Variants in KLHDC4 observed in about 807,000 individuals in gnomAD.
The protein encoded by KLHDC4 is kelch domain-containing protein 4.
In KLHDC4, 90 loss-of-function variants were observed where a neutral mutation model predicts 62.4. The observed-to-expected ratio is 1.44, with a 90% CI of 1.22 to 1.72. The LOEUF (loss-of-function observed/expected upper bound fraction) is 1.72. Among genes scored for constraint, KLHDC4 ranks in the 40% most tolerant of loss-of-function variants. The pLI, the probability that KLHDC4 is intolerant of heterozygous loss-of-function variation, is 0.00. For missense variants in KLHDC4, 1,025 were observed against 699.7 expected, an observed-to-expected ratio of 1.47 and a Z score of -5.25; for synonymous variants, 386 against 284.4, an observed-to-expected ratio of 1.36 and a Z score of -3.59.
intron 2 of KLHDC4, among the ~76,000 whole-genome samples, chr16:87,756,721 CAAAAAAAAAAAA>C (rs35385743): frequency 1.0e-5 from 1 of 98,812 alleles, no homozygotes; most frequent in African/African-American, 3.5e-5. Flanking sequence ...GTTGTATTAA[CAAAAAAAAAAAA>C]AAAAAAAAAA....
Position 87,762,001 on chromosome 16 carries a change from C to T in KLHDC4, c.139G>A (p.Asp47Asn), listed in dbSNP as rs139427549. ...TCCACAGTCTGAGTCCTCTTGGCAT[C>T]GAGTGTCTGGAAATGGGCTATGAGC... is the stretch of plus-strand genomic sequence containing the variant. ...EALIAHFQTL[D>N]AKRTQTVELP... Residue 47 changes from aspartate to asparagine, a missense_variant, in exon 2 of 12, where the codon GAT (aspartate) becomes AAT (asparagine). Coordinates refer to ENST00000270583, the MANE Select transcript of KLHDC4 (RefSeq NM_017566.4). 31 of 1,613,854 alleles carry T rather than the reference C, an allele frequency of 1.9e-5. No homozygotes were observed. Among genetic ancestry groups the T allele is most frequent in the Non-Finnish European group, 2.5e-5 (29 of 1,179,968 alleles).
At chr16:87,754,831 T>C (rs2044606747) in intron 4 of KLHDC4, among the ~76,000 whole-genome samples, 1 of 152,240 alleles carries the variant, frequency 6.6e-6, no homozygotes, top group Non-Finnish European at 1.5e-5. Context: ...ACAATTGTTT[T>C]CCTTCCACCA....
At chr16:87,747,877 G>A (rs928195844) in intron 5 of KLHDC4, among the ~76,000 whole-genome samples, 1 of 152,224 alleles carries the variant, frequency 6.6e-6, no homozygotes, top group Non-Finnish European at 1.5e-5. Context: ...CCAGGATGTG[G>A]AGAAGGCCTG....
chr16:87,716,231 G>A (rs1340202542), intron 7 of KLHDC4, among the ~76,000 whole-genome samples: 1 of 151,970 alleles, frequency 6.6e-6, no homozygotes, highest in East Asian at 1.9e-4. Flanking sequence ...TAGACTTTGG[G>A]TACGCGCTAT....
chr16:87,747,335 T>G (rs1194310018), intron 5 of KLHDC4, among the ~76,000 whole-genome samples: 1 of 152,062 alleles, frequency 6.6e-6, no homozygotes, highest in Non-Finnish European at 1.5e-5. Flanking sequence ...ATCAATCGAT[T>G]TGCCAAAGAT....
At chr16:87,731,732 C>G (rs148679143) in intron 5 of KLHDC4, among the ~76,000 whole-genome samples, 1 of 152,192 alleles carries the variant, frequency 6.6e-6, no homozygotes, top group Non-Finnish European at 1.5e-5. Context: ...AAGGAAAACA[C>G]CAGTCCACAC....
chr16:87,759,598 T>C (rs1479981579), intron 2 of KLHDC4, among the ~76,000 whole-genome samples: 5 of 151,954 alleles, frequency 3.3e-5, no homozygotes, highest in Middle Eastern at 3.4e-3. Context: ...AATACAAAAT[T>C]AGCCGGGCGT....
intron 4 of KLHDC4, among the ~76,000 whole-genome samples, chr16:87,754,187 T>G (rs2044489284): frequency 6.6e-6 from 1 of 151,386 alleles, no homozygotes. Flanking sequence ...CTTAGCCACC[T>G]AATACAATCC....
intron 5 of KLHDC4, among the ~76,000 whole-genome samples, chr16:87,735,314 GAA>G (rs60073416): frequency 3.6e-5 from 5 of 138,048 alleles, no homozygotes; most frequent in African/African-American, 1.3e-4. Flanking sequence ...AAAAAAAAAA[GAA>G]AAAAAAAAAA....
At chr16:87,733,381 C>A (rs150499821) in intron 5 of KLHDC4, among the ~76,000 whole-genome samples, 6 of 152,214 alleles carry the variant, frequency 3.9e-5, no homozygotes, top group African/African-American at 1.4e-4. Context: ...GTGCTTACGC[C>A]GGCCACAGAT....
chr16:87,754,809 G>A (rs550565250), intron 4 of KLHDC4, among the ~76,000 whole-genome samples: 21 of 152,188 alleles, frequency 1.4e-4, no homozygotes, highest in Admixed American at 3.3e-4. Context: ...GTTACCACTC[G>A]TTTCCGCTAA....
chr16:87,707,532 G>A (rs1460977897), downstream of KLHDC4, among the ~76,000 whole-genome samples: 1 of 152,204 alleles, frequency 6.6e-6, no homozygotes, highest in Admixed American at 6.5e-5. Flanking sequence ...CACTGGCCCT[G>A]GTCTGCTTTT....
downstream of KLHDC4, among the ~76,000 whole-genome samples, chr16:87,704,952 G>T (rs867615365): frequency 6.6e-6 from 1 of 152,168 alleles, no homozygotes; most frequent in African/African-American, 2.4e-5. Flanking sequence ...AGAACAAGAC[G>T]ATTCATCCTT....
chr16:87,757,922 G>C (rs117717802), intron 2 of KLHDC4, among the ~76,000 whole-genome samples: 2,354 of 152,090 alleles, frequency 0.015, 34 homozygotes, highest in Non-Finnish European at 0.023. Flanking sequence ...TAAATACATA[G>C]GGCCACTTCA....
chr16:87,700,860 T>TTGGAGGGC (rs2034113918), exon 1 of KLHDC4: 2 of 67,388 alleles, frequency 3.0e-5, no homozygotes, highest in African/African-American at 7.8e-5. Flanking sequence ...GGTTGGAGGG[T>TTGGAGGGC]GGAGGGAGGA....
intron 4 of KLHDC4, among the ~76,000 whole-genome samples, chr16:87,753,024 G>A (rs1336298299): frequency 2.6e-5 from 4 of 152,208 alleles, no homozygotes; most frequent in Non-Finnish European, 5.9e-5. Flanking sequence ...AGCCCCTGCA[G>A]GCAGCTCCTT....
chr16:87,755,488 A>G, intron 3 of KLHDC4, 196 bp from the exon 4 acceptor site: 1 of 461,070 alleles, frequency 2.2e-6, no homozygotes, highest in Non-Finnish European at 4.0e-6. Flanking sequence ...CCGAACGCCC[A>G]CCAGGCCCAT....
chr16:87,702,425 C>A (rs536345616), exon 1 of KLHDC4: 15 of 369,690 alleles, frequency 4.1e-5, no homozygotes, highest in South Asian at 3.0e-4. Flanking sequence ...CTGGGAACCC[C>A]CGGCTTTCTC....
rs529561420 is a variant in KLHDC4 at position 87,746,566 on chromosome 16, G to A, written c.506+2107C>T. Among the ~76,000 whole-genome samples the A allele has an allele frequency of 3.3e-5, 5 of 152,280 alleles. No individual in the cohort carries two copies. The East Asian group carries it at 9.7e-4, about 29-fold the overall frequency. ...TGGCTGCCAAGGCAAACGTCTCAAA[G>A]CAATGCTCCGCGAGGTATCTCTGTT... On this transcript the variant is annotated intron_variant, in intron 5 of 11. Transcript: ENST00000270583.
Sources: allele counts gnomAD v4.1 joint callset (sites outside exome capture counted in the v4.1 genomes callset), GRCh38; gene constraint gnomAD v4.1.1; transcripts MANE v1.5; gene names NCBI Gene and HGNC (gene_info 2026-07-23, HGNC 2026-07-21).